CNTNAP2: variants seen among roughly 807,000 people sequenced by gnomAD.
CNTNAP2 encodes contactin associated protein 2.
Under a neutral mutation model 155.2 loss-of-function variants are expected in CNTNAP2, and 98 were observed. That is an observed-to-expected ratio of 0.63 (90% CI 0.54 to 0.75). CNTNAP2 has a LOEUF of 0.75. CNTNAP2 is among the 30% of genes least tolerant of loss of function. The probability of loss-of-function intolerance (pLI) is 0.00; values close to 1 mark genes in which losing one functional copy is unlikely to be tolerated. For missense variants in CNTNAP2, 1,727 were observed against 1,688.1 expected, an observed-to-expected ratio of 1.02 and a Z score of -0.40; for synonymous variants, 651 against 631.2, an observed-to-expected ratio of 1.03 and a Z score of -0.47.
chr7:146,754,117 T>TCATA (rs1435336733), intron 1 of CNTNAP2, among the ~76,000 whole-genome samples: 1 of 152,104 alleles, frequency 6.6e-6, no homozygotes, highest in African/African-American at 2.4e-5. Flanking sequence ...GTTTAATGCC[T>TCATA]CATATCTTAA....
At chr7:148,059,071 A>G (rs947118225) in intron 15 of CNTNAP2, among the ~76,000 whole-genome samples, 3 of 152,050 alleles carry the variant, frequency 2.0e-5, no homozygotes, top group African/African-American at 7.2e-5. Flanking sequence ...ACTTGAGGTC[A>G]GGAATTCGAG....
At chr7:146,801,374 A>G (rs1802874536) in intron 2 of CNTNAP2, among the ~76,000 whole-genome samples, 1 of 152,158 alleles carries the variant, frequency 6.6e-6, no homozygotes, top group Admixed American at 6.5e-5. Flanking sequence ...TGAGATTTGC[A>G]GGGGTCACAC....
chr7:146,837,547 C>A (rs961371657), intron 2 of CNTNAP2, among the ~76,000 whole-genome samples: 4 of 152,062 alleles, frequency 2.6e-5, no homozygotes, highest in African/African-American at 9.7e-5. Context: ...TTTGGGGATA[C>A]ATTTCCATTG....
chr7:147,296,094 G>C (rs953583549), intron 8 of CNTNAP2, among the ~76,000 whole-genome samples: 4 of 152,174 alleles, frequency 2.6e-5, no homozygotes, highest in Non-Finnish European at 5.9e-5. Flanking sequence ...CTTCCACTTA[G>C]AGTAACCGAA....
chr7:148,248,054 T>C (rs115305353), intron 20 of CNTNAP2, among the ~76,000 whole-genome samples: 287 of 152,230 alleles, frequency 1.9e-3, no homozygotes, highest in African/African-American at 6.7e-3. Context: ...TGCACACCCA[T>C]GTAGCCACCA....
At chr7:146,286,993 A>G (rs1014705995) in intron 1 of CNTNAP2, among the ~76,000 whole-genome samples, 6 of 152,156 alleles carry the variant, frequency 3.9e-5, no homozygotes, top group African/African-American at 1.4e-4. Flanking sequence ...AGGTGATGAG[A>G]ACGTCCCTCT....
intron 1 of CNTNAP2, among the ~76,000 whole-genome samples, chr7:146,610,376 C>T (rs1362688549): frequency 6.6e-6 from 1 of 152,082 alleles, no homozygotes; most frequent in Non-Finnish European, 1.5e-5. Flanking sequence ...TAAGGAGAAC[C>T]TGCATGTTCG....
intron 8 of CNTNAP2, among the ~76,000 whole-genome samples, chr7:147,247,044 C>T (rs1804084795): frequency 6.6e-6 from 1 of 152,102 alleles, no homozygotes; most frequent in Non-Finnish European, 1.5e-5. Flanking sequence ...ACTTCAGTCC[C>T]TGTGGGGTTT....
intron 1 of CNTNAP2, among the ~76,000 whole-genome samples, chr7:146,582,839 C>T (rs1252054270): frequency 6.6e-6 from 1 of 150,690 alleles, no homozygotes; most frequent in African/African-American, 2.4e-5. Context: ...TTTCTAAATA[C>T]TGAGCAGCTC....
At chr7:146,749,034 T>C (rs2129182232) in intron 1 of CNTNAP2, among the ~76,000 whole-genome samples, 1 of 152,292 alleles carries the variant, frequency 6.6e-6, no homozygotes, top group East Asian at 1.9e-4. Context: ...ATACCATGTG[T>C]CAGGTATTAT....
At chr7:147,904,862 AT>A (rs1799932493) in intron 14 of CNTNAP2, among the ~76,000 whole-genome samples, 1 of 151,538 alleles carries the variant, frequency 6.6e-6, no homozygotes, top group African/African-American at 2.4e-5. Flanking sequence ...AGAAGAGATC[AT>A]GATAATTTTT....
At chr7:148,240,461 C>T (rs891243666) in intron 20 of CNTNAP2, among the ~76,000 whole-genome samples, 8 of 152,084 alleles carry the variant, frequency 5.3e-5, no homozygotes, top group South Asian at 2.1e-4. Flanking sequence ...GGACACAGCA[C>T]GTAACGAGAT....
chr7:147,366,354 C>T (rs1489044875), intron 9 of CNTNAP2, among the ~76,000 whole-genome samples: 3 of 152,038 alleles, frequency 2.0e-5, no homozygotes, highest in Non-Finnish European at 4.4e-5. Context: ...CTTAGACTCA[C>T]TCATTCCTCT....
At chr7:147,834,969 A>G (rs553107625) in intron 13 of CNTNAP2, among the ~76,000 whole-genome samples, 4 of 152,300 alleles carry the variant, frequency 2.6e-5, no homozygotes, top group Non-Finnish European at 5.9e-5. Context: ...ACTTGCTCAC[A>G]CTGGCTTCTA....
At chr7:146,836,492 T>G (rs1803620180) in intron 2 of CNTNAP2, among the ~76,000 whole-genome samples, 2 of 152,200 alleles carry the variant, frequency 1.3e-5, no homozygotes, top group African/African-American at 4.8e-5. Context: ...GGTTTGCTAT[T>G]TTCAAGTAAT....
intron 1 of CNTNAP2, among the ~76,000 whole-genome samples, chr7:146,680,774 T>C (rs1266559604): frequency 1.3e-5 from 2 of 152,182 alleles, no homozygotes; most frequent in Non-Finnish European, 2.9e-5. Flanking sequence ...ACAGCAGTTA[T>C]AGTCACATGG....
intron 1 of CNTNAP2, among the ~76,000 whole-genome samples, chr7:146,202,297 G>A (rs1345349183): frequency 1.3e-5 from 2 of 151,988 alleles, no homozygotes; most frequent in Non-Finnish European, 2.9e-5. Context: ...TCTGATTTCA[G>A]CCAAGATATT....
intron 3 of CNTNAP2, among the ~76,000 whole-genome samples, chr7:146,877,517 AT>A (rs1298033352): frequency 6.6e-6 from 1 of 151,500 alleles, no homozygotes; most frequent in East Asian, 1.9e-4. Context: ...AAATATATAT[AT>A]ATATAAAATA....
intron 8 of CNTNAP2, among the ~76,000 whole-genome samples, chr7:147,184,671 C>G (rs1402723675): frequency 1.3e-5 from 2 of 150,710 alleles, no homozygotes; most frequent in Admixed American, 1.3e-4. Context: ...TGTGAGTCAG[C>G]ACATTAATTG....
Sources: allele counts gnomAD v4.1 joint callset (sites outside exome capture counted in the v4.1 genomes callset), GRCh38; gene constraint gnomAD v4.1.1; transcripts MANE v1.5; gene names NCBI Gene and HGNC (gene_info 2026-07-23, HGNC 2026-07-21).